The following SNAP23 variants were observed in gnomAD, a reference collection of about 807,000 sequenced individuals.
The protein encoded by SNAP23 is synaptosome associated protein 23.
Under a neutral mutation model 29.0 loss-of-function variants are expected in SNAP23, and 11 were observed. That is an observed-to-expected ratio of 0.38 (90% confidence interval 0.24 to 0.63). SNAP23 has a LOEUF of 0.63. Among genes scored for constraint, SNAP23 ranks in the 20% least tolerant of loss-of-function variants. The pLI is 0.58. For synonymous variants in SNAP23, 60 were observed against 82.9 expected (o/e 0.72, Z 1.50); for missense variants, 220 against 253.9 (o/e 0.87, Z 0.91).
At chr15:42,500,382 C>A (rs955873040) in intron 1 of SNAP23, among the ~76,000 whole-genome samples, 3 of 146,798 alleles carry the variant, frequency 2.0e-5, no homozygotes, top group Non-Finnish European at 4.5e-5. Flanking sequence ...CTGCTCTTTT[C>A]TTTTCCCTTT....
intron 1 of SNAP23, among the ~76,000 whole-genome samples, chr15:42,511,255 A>G (rs1451514640): frequency 6.6e-6 from 1 of 152,234 alleles, no homozygotes; most frequent in African/African-American, 2.4e-5. Context: ...CTGGAGGGGA[A>G]GAGTCTAATG....
chr15:42,496,079 T>C (rs1341176016), intron 1 of SNAP23: 2 of 152,252 alleles, frequency 1.3e-5, no homozygotes, highest in African/African-American at 2.4e-5. Flanking sequence ...GAGGAAGGAC[T>C]CTGAGGTTCC....
chr15:42,521,721 AT>A, intron 5 of SNAP23: 2 of 794,088 alleles, frequency 2.5e-6, no homozygotes, highest in East Asian at 5.4e-5. Context: ...GATGCTTCAA[AT>A]GGCTTTTCTG....
intron 5 of SNAP23, among the ~76,000 whole-genome samples, chr15:42,524,551 T>A (rs2057479812): frequency 2.0e-5 from 3 of 152,152 alleles, no homozygotes; most frequent in African/African-American, 4.8e-5. Context: ...AGTTGTACGC[T>A]CCTTATGAGA....
Position 42,502,653 on chromosome 15 carries a change from C to T in SNAP23, c.-15+6940C>T, listed in dbSNP as rs967566689. ...TAATCTCACCCCGTACTTGGTATCT[C>T]CCTGGCAGATACCACACTTATGCCT... On this transcript the variant is annotated intron_variant, in intron 1 of 7. Transcript: ENST00000249647. Among the ~76,000 whole-genome samples, 3 of 152,334 alleles carry T rather than the reference C, an allele frequency of 2.0e-5. No homozygotes were observed. In the East Asian group the frequency reaches 5.8e-4, roughly 29 times the overall value.
At chr15:42,513,316 AT>A (rs773574805) in intron 3 of SNAP23, 82 bp from the exon 4 acceptor site, 1 of 1,248,166 alleles carries the variant, frequency 8.0e-7, no homozygotes, top group Non-Finnish European at 1.2e-6. Context: ...TTTCTAAATT[AT>A]TCTGTGTTGC....
chr15:42,513,174 T>G, intron 3 of SNAP23, 178 bp downstream of exon 3: 1 of 745,326 alleles, frequency 1.3e-6, no homozygotes. Context: ...CCTTTAACAG[T>G]ATTGGAATAT....
chr15:42,506,197 G>A (rs760169654), intron 1 of SNAP23, among the ~76,000 whole-genome samples: 7 of 151,674 alleles, frequency 4.6e-5, no homozygotes, highest in South Asian at 4.2e-4. Flanking sequence ...CGCCAACCTC[G>A]GCCTCCCAAA....
At chr15:42,517,324 A>G (rs1276924534) in intron 5 of SNAP23, among the ~76,000 whole-genome samples, 1 of 152,200 alleles carries the variant, frequency 6.6e-6, no homozygotes, top group African/African-American at 2.4e-5. Context: ...ACTCTTAGCT[A>G]TGTTTTACAA....
chr15:42,528,229 T>G (rs772145008), intron 5 of SNAP23, 33 bp from the exon 6 acceptor site: 1 of 1,591,630 alleles, frequency 6.3e-7, no homozygotes, highest in Admixed American at 1.7e-5. Context: ...TTCTTTTTTT[T>G]GGTATCTCCC....
upstream of SNAP23, among the ~76,000 whole-genome samples, chr15:42,494,131 A>G (rs1247291652): frequency 9.2e-5 from 14 of 152,086 alleles, no homozygotes; most frequent in Non-Finnish European, 2.9e-5. Flanking sequence ...CAAAAAAACA[A>G]AAACAAAAAA....
intron 1 of SNAP23, among the ~76,000 whole-genome samples, chr15:42,504,071 T>G (rs2057298181): frequency 1.3e-5 from 2 of 151,802 alleles, no homozygotes; most frequent in African/African-American, 4.8e-5. Flanking sequence ...GGCTCATACA[T>G]GTAATCCCAG....
chr15:42,511,635 C>T (rs2057358447), intron 1 of SNAP23, among the ~76,000 whole-genome samples, 198 bp from the exon 2 acceptor site: 2 of 152,308 alleles, frequency 1.3e-5, no homozygotes, highest in South Asian at 4.1e-4. Context: ...CCTTGGCACT[C>T]TTATTAAACA....
chr15:42,531,404 GT>G lies in SNAP23; in HGVS notation c.571-4del. ...ACCTTGTAAAGCTGATATCTTTCTT[GT>G]TTTTCAGGCTGACACCAACAGAGAT... is the stretch of plus-strand genomic sequence containing the variant. On this transcript the variant is annotated splice_region_variant and splice_polypyrimidine_tract_variant and intron_variant, in intron 7 of 7. Transcript: ENST00000249647. 2.0e-6 allele frequency: 3 copies of G among 1,530,880 alleles called. No individual in the cohort carries two copies. Among genetic ancestry groups the G allele is most frequent in the Non-Finnish European group, 8.8e-7 (1 of 1,142,688 alleles). 94.8% of individuals were successfully genotyped at this position (1,530,880 alleles called of 1,614,324 possible).
intron 7 of SNAP23, among the ~76,000 whole-genome samples, chr15:42,530,940 G>A (rs1343317621): frequency 6.6e-6 from 1 of 152,186 alleles, no homozygotes; most frequent in Non-Finnish European, 1.5e-5. Flanking sequence ...AGATGTTGGT[G>A]AGGATGGTAA....
intron 1 of SNAP23, among the ~76,000 whole-genome samples, chr15:42,506,869 A>G (rs2057320878): frequency 6.6e-6 from 1 of 151,374 alleles, no homozygotes; most frequent in South Asian, 2.1e-4. Context: ...CCCAGGCTAG[A>G]GCACAGTGAT....
At chr15:42,529,913 A>C in intron 7 of SNAP23, 94 bp downstream of exon 7, 8 of 1,340,910 alleles carry the variant, frequency 6.0e-6, no homozygotes, top group Non-Finnish European at 7.2e-6. Context: ...GACACGGTAG[A>C]ATAAGCTCCT....
intron 5 of SNAP23, among the ~76,000 whole-genome samples, chr15:42,522,894 A>G (rs1165874090): frequency 1.7e-5 from 2 of 120,554 alleles, no homozygotes; most frequent in Non-Finnish European, 3.2e-5. Context: ...CCCCCAGGCT[A>G]GAGTATAGTG....
At chr15:42,497,837 T>A (rs1254174009) in intron 1 of SNAP23, among the ~76,000 whole-genome samples, 1 of 152,188 alleles carries the variant, frequency 6.6e-6, no homozygotes, top group Non-Finnish European at 1.5e-5. Context: ...CTAAAGATGC[T>A]ATGGGGGAAT....
Sources: allele counts gnomAD v4.1 joint callset (sites outside exome capture counted in the v4.1 genomes callset), GRCh38; gene constraint gnomAD v4.1.1; transcripts MANE v1.5; gene names NCBI Gene and HGNC (gene_info 2026-07-23, HGNC 2026-07-21).